The following IFT46 variants were observed in gnomAD, a reference collection of about 807,000 sequenced individuals.
IFT46 encodes intraflagellar transport 46.
IFT46 carries 19 observed loss-of-function variants against 39.6 expected under a neutral mutation model. That is an observed-to-expected ratio of 0.48 (90% CI 0.33 to 0.70). The LOEUF is 0.70. IFT46 is among the 30% of genes least tolerant of loss of function. The pLI, the probability that IFT46 is intolerant of heterozygous loss-of-function variation, is 0.01. For synonymous variants in IFT46, 117 were observed against 134.8 expected (o/e 0.87, Z 0.91); for missense variants, 334 against 364.8 (o/e 0.92, Z 0.69).
intron 9 of IFT46, chr11:118,546,118 G>A (rs1951678537): frequency 1.4e-6 from 1 of 718,520 alleles, no homozygotes; most frequent in Non-Finnish European, 2.6e-6. Flanking sequence ...TGTCCTTATA[G>A]GAAGAAGAAA....
intron 2 of IFT46, chr11:118,561,125 G>T: frequency 6.8e-7 from 1 of 1,480,294 alleles, no homozygotes; most frequent in Non-Finnish European, 9.3e-7. Flanking sequence ...CTGCTATTTG[G>T]ATACAGGTCT....
At chr11:118,547,785 C>T (rs369553073) in intron 9 of IFT46, among the ~76,000 whole-genome samples, 5 of 127,146 alleles carry the variant, frequency 3.9e-5, no homozygotes, top group East Asian at 2.3e-4. Flanking sequence ...CTCACTCTTT[C>T]GCCCAGGCTG....
intron 9 of IFT46, among the ~76,000 whole-genome samples, chr11:118,548,119 A>G (rs1451783538): frequency 1.4e-5 from 2 of 145,340 alleles, no homozygotes; most frequent in African/African-American, 5.2e-5. Context: ...CTGGCCTCAA[A>G]TGATCATCCC....
upstream of IFT46, among the ~76,000 whole-genome samples, chr11:118,567,767 T>C (rs530575428): frequency 6.6e-6 from 1 of 152,362 alleles, no homozygotes; most frequent in East Asian, 1.9e-4. Flanking sequence ...ATAGTGGATA[T>C]GTAATGTGCA....
chr11:118,554,348 AC>A, intron 7 of IFT46, 110 bp downstream of exon 7: 1 of 1,144,710 alleles, frequency 8.7e-7, no homozygotes, highest in Non-Finnish European at 1.2e-6. Context: ...GAGCCACCGC[AC>A]CCAGGCCCAT....
At chr11:118,560,469 G>T (rs1278346805) in intron 2 of IFT46, 1 of 158,616 alleles carries the variant, frequency 6.3e-6, no homozygotes, top group Non-Finnish European at 1.3e-5. Flanking sequence ...GGGGAGGGGA[G>T]GGGAGGGGGA....
chr11:118,576,718 T>C (rs1462255707), upstream of IFT46, among the ~76,000 whole-genome samples: 3 of 152,182 alleles, frequency 2.0e-5, no homozygotes, highest in Admixed American at 2.0e-4. Context: ...GTCAACTGCC[T>C]GGAACCTGTA....
At chr11:118,574,503 T>C (rs1283869600), upstream of IFT46, among the ~76,000 whole-genome samples, 2 of 152,124 alleles carry the variant, frequency 1.3e-5, no homozygotes, top group Non-Finnish European at 2.9e-5. Flanking sequence ...AACATTTCAC[T>C]ATATTTTATC....
Position 118,552,234 on chromosome 11 carries a change from AG to A in IFT46, c.584del (p.Pro195LeufsTer16). 6.2e-7 allele frequency: 1 copy of A among 1,614,100 alleles called. No homozygotes were observed. Among genetic ancestry groups the A allele is most frequent in the Admixed American group, 1.7e-5 (1 of 60,000 alleles). The part of the protein sequence containing the change: ...SISELHRSKP[P>X]ATVHYTRPMP... ...CTTACCTGGTGTAGTGCACAGTCGC[AG>A]GGGGCTTAGAACGGTGTAATTCAGA... On this transcript the variant is annotated frameshift_variant, in exon 8 of 12. Coordinates refer to ENST00000264021, the MANE Select transcript of IFT46 (RefSeq NM_001168618.2). LOFTEE classifies it high-confidence loss of function.
At chr11:118,560,524 C>T (rs918515042) in intron 2 of IFT46, 2 of 193,950 alleles carry the variant, frequency 1.0e-5, no homozygotes, top group Non-Finnish European at 2.1e-5. Flanking sequence ...TTAGTTTACA[C>T]ATTAGTCAAA....
intron 11 of IFT46, 86 bp downstream of exon 11, chr11:118,545,323 T>G: frequency 1.0e-6 from 1 of 987,222 alleles, no homozygotes; most frequent in Non-Finnish European, 1.6e-6. Flanking sequence ...TACATCGCTA[T>G]AGGATGCAAT....
At chr11:118,568,641 C>G (rs1267855517), upstream of IFT46, among the ~76,000 whole-genome samples, 1 of 151,976 alleles carries the variant, frequency 6.6e-6, no homozygotes, top group East Asian at 1.9e-4. Flanking sequence ...TCATCATCCC[C>G]TAAAGAAAGT....
At chr11:118,568,566 T>TAATA (rs1228469280), upstream of IFT46, among the ~76,000 whole-genome samples, 46 of 151,968 alleles carry the variant, frequency 3.0e-4, no homozygotes, top group Non-Finnish European at 5.9e-4. Context: ...AATAAATAAA[T>TAATA]AATAAATAAA....
intron 1 of IFT46, among the ~76,000 whole-genome samples, chr11:118,571,452 G>A (rs1938334095): frequency 6.6e-6 from 1 of 152,172 alleles, no homozygotes; most frequent in African/African-American, 2.4e-5. Context: ...GTACCTATGA[G>A]TGGAATTGCT....
rs782534376 is a variant in IFT46, at chr11:118,554,481, TTC to T, written c.459_460del (p.Asn154PhefsTer2). On this transcript the variant is annotated frameshift_variant, in exon 7 of 12. Transcript: ENST00000264021. LOFTEE classifies it high-confidence loss of function. ...TACTGTGATGTTGTGCTGCTTAGAA[TTC>T]TCTGTTAACCAGAGTGAGAGCACCG... The T allele has an allele frequency of 2.5e-6, 4 of 1,612,022 alleles. No individual in the cohort carries two copies. Among genetic ancestry groups the T allele is most frequent in the South Asian group, 1.1e-5 (1 of 90,694 alleles).
intron 9 of IFT46, among the ~76,000 whole-genome samples, chr11:118,549,232 A>G (rs1555067890): frequency 6.9e-6 from 1 of 145,188 alleles, no homozygotes; most frequent in Non-Finnish European, 1.5e-5. Context: ...TGTAGAGAAG[A>G]GTCTCCTATT....
intron 9 of IFT46, chr11:118,546,076 C>A (rs1555067063): frequency 2.8e-6 from 2 of 716,646 alleles, no homozygotes; most frequent in Admixed American, 4.1e-5. Context: ...AAAACAAGGT[C>A]ATTAGGGTGG....
chr11:118,549,748 C>T (rs1391800181), intron 9 of IFT46, among the ~76,000 whole-genome samples: 4 of 151,874 alleles, frequency 2.6e-5, no homozygotes, highest in Admixed American at 6.6e-5. Context: ...TGGTCTCGAT[C>T]TCTTGACCTC....
chr11:118,544,609 AAAAGGAC>A lies in IFT46; in HGVS notation c.*300_*306del, dbSNP rs1951630908. On this transcript the variant is annotated 3_prime_UTR_variant, in exon 12 of 12. Transcript: ENST00000264021. The stretch of plus-strand genomic sequence containing the variant: ...AGAAAACAATTCCATCCCTCTCACA[AAAAGGAC>A]ATCTTTTAAGCTTTCCTCCCAATCT... The A allele has an allele frequency of 3.2e-6, 1 of 310,594 alleles. No homozygotes were observed. The highest frequency in any genetic ancestry group is 5.9e-6 in the Non-Finnish European group (1 of 168,484). 19.2% of individuals were successfully genotyped at this position (310,594 alleles called of 1,614,324 possible). A position where few individuals can be genotyped will look rare whatever the true frequency, so the allele number is the denominator to read the frequency against.
Sources: allele counts gnomAD v4.1 joint callset (sites outside exome capture counted in the v4.1 genomes callset), GRCh38; gene constraint gnomAD v4.1.1; transcripts MANE v1.5; gene names NCBI Gene and HGNC (gene_info 2026-07-23, HGNC 2026-07-21).